The following CPA3 variants were observed in gnomAD, a reference collection of about 807,000 sequenced individuals.
CPA3 encodes the protein mast cell carboxypeptidase A.
Under a neutral mutation model 55.8 loss-of-function variants are expected in CPA3, and 52 were observed. The observed-to-expected ratio is 0.93, with a 90% confidence interval of 0.75 to 1.17. The LOEUF is 1.17. Among genes scored for constraint, CPA3 ranks in the 50% most tolerant of loss-of-function variants. The pLI, the probability that CPA3 is intolerant of heterozygous loss-of-function variation, is 0.00. For missense variants in CPA3, 547 were observed against 509.1 expected (o/e 1.07, Z -0.72); for synonymous variants, 179 against 171.2 (o/e 1.05, Z -0.36).
At chr3:148,889,380 A>G (rs902658314) in intron 10 of CPA3, among the ~76,000 whole-genome samples, 1 of 152,218 alleles carries the variant, frequency 6.6e-6, no homozygotes, top group African/African-American at 2.4e-5. Flanking sequence ...GAAGACAGAA[A>G]AAAAAGGACT....
chr3:148,886,890 T>C (rs1383827965), intron 10 of CPA3, among the ~76,000 whole-genome samples: 3 of 152,202 alleles, frequency 2.0e-5, no homozygotes, highest in Admixed American at 6.5e-5. Context: ...AAGTTATCTC[T>C]CCTTCTCACT....
At chr3:148,867,791 A>T (rs1398961918) in intron 2 of CPA3, among the ~76,000 whole-genome samples, 2 of 152,210 alleles carry the variant, frequency 1.3e-5, no homozygotes, top group African/African-American at 2.4e-5. Context: ...CTTTTCCTTC[A>T]CATTTCCCAG....
intron 3 of CPA3, 98 bp downstream of exon 3, chr3:148,869,137 C>T: frequency 1.5e-6 from 2 of 1,339,286 alleles, no homozygotes; most frequent in East Asian, 2.4e-5. Flanking sequence ...TTTAATTGGG[C>T]CCCCCAGAAC....
chr3:148,892,998 C>T (rs1483086746), intron 10 of CPA3, among the ~76,000 whole-genome samples: 1 of 151,794 alleles, frequency 6.6e-6, no homozygotes, highest in Non-Finnish European at 1.5e-5. Flanking sequence ...TATCACAAGA[C>T]ACAAAAGTAG....
At chr3:148,891,956 A>C (rs1714683178) in intron 10 of CPA3, among the ~76,000 whole-genome samples, 1 of 152,232 alleles carries the variant, frequency 6.6e-6, no homozygotes, top group Admixed American at 6.5e-5. Flanking sequence ...AACTAGCTAA[A>C]AGTGGCAATC....
rs533108974 is a variant in CPA3, at chr3:148,881,802, T to A, written c.687+170T>A. 3.9e-5 allele frequency among the ~76,000 whole-genome samples: 6 copies of A among 152,318 alleles called. No homozygotes were observed. The East Asian group carries it at 1.2e-3, about 29-fold the overall frequency. On this transcript the variant is annotated intron_variant, in intron 7 of 10. Coordinates refer to ENST00000296046, the MANE Select transcript of CPA3 (RefSeq NM_001870.4). The stretch of plus-strand genomic sequence containing the variant: ...GTATGATTTCTTGGTTGCATAGGTA[T>A]CCTTGAAATAATATAAAATTTTTGC...
At chr3:148,891,139 G>A (rs57372778) in intron 10 of CPA3, among the ~76,000 whole-genome samples, 2,015 of 152,018 alleles carry the variant, frequency 0.013, 51 homozygotes, top group African/African-American at 0.046. Context: ...TTTCTTCTTC[G>A]GTAAAATGGT....
At position 148,878,543 on chromosome 3, in the gene CPA3, G is replaced by T; in HGVS notation, c.372G>T (p.Lys124Asn). 6.2e-7 allele frequency: 1 copy of T among 1,606,152 alleles called. No individual in the cohort carries two copies. The highest frequency in any genetic ancestry group is 8.5e-7 in the Non-Finnish European group (1 of 1,174,558). The part of the protein sequence containing the change: ...HSYAKYNNWE[K>N]IVAWTEKMMD... ...ACGCAAAATACAATAATTGGGAAAA[G>T]GTACAGTAAAAAATGCCTGTACTTT... The change falls in exon 4 of 11, where the codon AAG (lysine) becomes AAT (asparagine). Residue 124 changes from lysine (K) to asparagine (N), a missense_variant and splice_region_variant. Lys to Asn is a moderately conservative substitution (Grantham distance 94). Transcript: ENST00000296046.
At chr3:148,886,338 T>C (rs1004960545) in intron 10 of CPA3, among the ~76,000 whole-genome samples, 161 bp downstream of exon 10, 21 of 152,240 alleles carry the variant, frequency 1.4e-4, no homozygotes, top group African/African-American at 5.1e-4. Context: ...ATCTAGGGGA[T>C]AGATTCTGAC....
chr3:148,885,406 C>CTTT (rs10712598), intron 9 of CPA3, among the ~76,000 whole-genome samples: 23 of 88,344 alleles, frequency 2.6e-4, no homozygotes, highest in Admixed American at 4.5e-4. Context: ...ATATTTAAGT[C>CTTT]TTTTTTTTTT....
At chr3:148,881,717 G>T in intron 7 of CPA3, 85 bp downstream of exon 7, 1 of 639,472 alleles carries the variant, frequency 1.6e-6, no homozygotes, top group Non-Finnish European at 2.5e-6. Context: ...TTAGGGTTTA[G>T]GTAACTAGTT....
chr3:148,895,362 C>T (rs1036357374), intron 10 of CPA3, among the ~76,000 whole-genome samples: 1 of 152,200 alleles, frequency 6.6e-6, no homozygotes, highest in Non-Finnish European at 1.5e-5. Flanking sequence ...CCATCTCCTC[C>T]ATCATGAAGG....
At chr3:148,866,534 G>A (rs554427942) in intron 2 of CPA3, among the ~76,000 whole-genome samples, 17 of 152,238 alleles carry the variant, frequency 1.1e-4, no homozygotes, top group South Asian at 2.1e-4. Context: ...AGCCTAGTAC[G>A]GAAAAAGCAT....
chr3:148,892,110 CCTT>C (rs1334900983), intron 10 of CPA3, among the ~76,000 whole-genome samples: 1 of 152,140 alleles, frequency 6.6e-6, no homozygotes, highest in Admixed American at 6.6e-5. Flanking sequence ...TCCTCCTCCT[CCTT>C]TTTTTCTACT....
At position 148,883,734 on chromosome 3, in the gene CPA3, C is replaced by T. The variant is rs1225764930; in HGVS notation, c.900C>T (p.Tyr300=). The T allele has an allele frequency of 3.7e-6, 6 of 1,613,912 alleles. No homozygotes were observed. Among genetic ancestry groups the T allele is most frequent in the Non-Finnish European group, 5.1e-6 (6 of 1,179,912 alleles). Residue 300 remains tyrosine (Y), a synonymous_variant, in exon 9 of 11, where the codon TAC becomes TAT. Coordinates refer to ENST00000296046, the MANE Select transcript of CPA3 (RefSeq NM_001870.4). The part of the protein sequence containing the change: ...IRSHLNEIKV[Y]ITFHSYSQML... The stretch of plus-strand genomic sequence containing the variant: ...GCCACCTGAATGAAATCAAGGTTTA[C>T]ATCACCTTCCATTCCTACTCCCAGA...
At chr3:148,869,107 A>C in intron 3 of CPA3, 68 bp downstream of exon 3, 1 of 1,571,338 alleles carries the variant, frequency 6.4e-7, no homozygotes, top group South Asian at 1.2e-5. Context: ...AGTAGAGGAA[A>C]GTATTACAAT....
chr3:148,882,371 T>C (rs1714395772), intron 7 of CPA3, 134 bp from the exon 8 acceptor site: 4 of 583,462 alleles, frequency 6.9e-6, no homozygotes, highest in Non-Finnish European at 1.2e-5. Context: ...TTTTTCTTTT[T>C]ATAATAAAGG....
intron 3 of CPA3, among the ~76,000 whole-genome samples, chr3:148,873,131 G>A (rs893623438): frequency 6.6e-6 from 1 of 151,260 alleles, no homozygotes; most frequent in African/African-American, 2.4e-5. Context: ...GAATAAATGA[G>A]TAGTATTCCT....
intron 10 of CPA3, among the ~76,000 whole-genome samples, chr3:148,895,707 G>A (rs1438474930): frequency 1.3e-5 from 2 of 152,052 alleles, no homozygotes; most frequent in Non-Finnish European, 2.9e-5. Context: ...CTCTTTCATC[G>A]CAGCTTTGAA....
Sources: gnomAD v4.1 joint callset for allele counts (sites outside exome capture counted in the v4.1 genomes callset) on GRCh38, gnomAD v4.1.1 for gene constraint, MANE v1.5 for transcripts, NCBI Gene and HGNC (gene_info 2026-07-23, HGNC 2026-07-21) for gene names.